The following UNC13C variants were observed in gnomAD, a reference collection of about 807,000 sequenced individuals.
The protein encoded by UNC13C is unc-13 homolog C.
A neutral mutation model predicts 245.4 loss-of-function variants in UNC13C; 174 were observed. That is an observed-to-expected ratio of 0.71 (90% CI 0.63 to 0.80). UNC13C has a LOEUF of 0.80. UNC13C is among the 30% of genes least tolerant of loss of function. UNC13C has a pLI of 0.00. For missense variants in UNC13C, 2,829 were observed against 2,602.9 expected, an observed-to-expected ratio of 1.09 and a Z score of -1.89; for synonymous variants, 992 against 895.1, an observed-to-expected ratio of 1.11 and a Z score of -1.93.
the UNC13C span, among the ~76,000 whole-genome samples, chr15:53,952,929 T>G: frequency 6.6e-6 from 1 of 152,040 alleles, no homozygotes; most frequent in African/African-American, 2.4e-5. Context: ...CCCTGAGCGG[T>G]TTGGGGATGA....
intron 30 of UNC13C, among the ~76,000 whole-genome samples, chr15:54,619,896 T>G (rs1900687298): frequency 6.6e-6 from 1 of 152,132 alleles, no homozygotes; most frequent in Admixed American, 6.6e-5. Flanking sequence ...GGTATAAACA[T>G]AGGGCCATGA....
At chr15:54,605,338 G>C (rs1899709003) in intron 30 of UNC13C, among the ~76,000 whole-genome samples, 1 of 151,906 alleles carries the variant, frequency 6.6e-6, no homozygotes, top group Non-Finnish European at 1.5e-5. Context: ...GTCTTAATGA[G>C]GTGCTCTTCC....
At chr15:53,844,666 G>T in the UNC13C span, among the ~76,000 whole-genome samples, 2 of 152,106 alleles carry the variant, frequency 1.3e-5, no homozygotes, top group African/African-American at 2.4e-5. Context: ...ATCTCAAAGG[G>T]ACAAATGTTT....
At chr15:54,600,826 A>C (rs1259263953) in intron 30 of UNC13C, among the ~76,000 whole-genome samples, 1 of 152,098 alleles carries the variant, frequency 6.6e-6, no homozygotes, top group East Asian at 1.9e-4. Context: ...ACCAATCTAG[A>C]TGTGGATGAT....
chr15:54,551,892 T>C (rs957692679), intron 28 of UNC13C, among the ~76,000 whole-genome samples: 1 of 151,916 alleles, frequency 6.6e-6, no homozygotes. Context: ...TGTATAAAAC[T>C]ATTTCCTCTT....
At chr15:54,098,960 G>A (rs560548629) in intron 2 of UNC13C, among the ~76,000 whole-genome samples, 176 of 152,256 alleles carry the variant, frequency 1.2e-3, no homozygotes, top group Non-Finnish European at 2.1e-3. Context: ...AGTCAGAGCC[G>A]GTACATGGAT....
chr15:53,838,617 A>G, the UNC13C span, among the ~76,000 whole-genome samples: 19 of 152,046 alleles, frequency 1.2e-4, no homozygotes, highest in Non-Finnish European at 2.9e-5. Flanking sequence ...CAACTTGATT[A>G]TAATGAACTA....
chr15:54,424,181 G>A (rs1293817033), intron 19 of UNC13C, among the ~76,000 whole-genome samples: 1 of 151,588 alleles, frequency 6.6e-6, no homozygotes, highest in Non-Finnish European at 1.5e-5. Flanking sequence ...AACAATGCAT[G>A]TAGATATGTA....
chr15:53,937,180 A>C, the UNC13C span, among the ~76,000 whole-genome samples: 1 of 152,232 alleles, frequency 6.6e-6, no homozygotes, highest in African/African-American at 2.4e-5. Flanking sequence ...CAGTTTAGAG[A>C]GGATCATAAC....
chr15:54,065,319 A>G (rs868026745), intron 2 of UNC13C, among the ~76,000 whole-genome samples: 4 of 152,044 alleles, frequency 2.6e-5, no homozygotes, highest in African/African-American at 9.7e-5. Flanking sequence ...TAAGTTCCCA[A>G]TTCCACTCTC....
intron 29 of UNC13C, among the ~76,000 whole-genome samples, chr15:54,557,237 A>G (rs1156532254): frequency 1.3e-5 from 2 of 151,798 alleles, no homozygotes; most frequent in Non-Finnish European, 2.9e-5. Flanking sequence ...TGAGCCCCAA[A>G]GCGTGTGTCA....
intron 10 of UNC13C, among the ~76,000 whole-genome samples, chr15:54,281,938 A>G (rs1210243535): frequency 1.3e-5 from 2 of 152,090 alleles, no homozygotes; most frequent in Admixed American, 1.3e-4. Context: ...GTGCATCTGG[A>G]TTTGTTCATG....
At chr15:54,583,404 G>C (rs1020941431) in intron 30 of UNC13C, among the ~76,000 whole-genome samples, 2 of 152,000 alleles carry the variant, frequency 1.3e-5, no homozygotes, top group African/African-American at 4.8e-5. Context: ...GCTTAAAAAG[G>C]CCTTTATGAA....
chr15:54,103,246 C>T lies in UNC13C; in HGVS notation c.2984-39772C>T, dbSNP rs568455324. Among the ~76,000 whole-genome samples, 7 of 152,318 alleles carry T rather than the reference C, an allele frequency of 4.6e-5. No homozygotes were observed. The South Asian group carries it at 1.5e-3, about 32-fold the overall frequency. ...ACACATAGACATACATCTCGCCATT[C>T]TTTTACACACATAGAAACACCTGTT... is the stretch of plus-strand genomic sequence containing the variant. On this transcript the variant is annotated intron_variant, in intron 2 of 32. Transcript: ENST00000260323.
At chr15:54,597,302 G>A (rs559013909) in intron 30 of UNC13C, among the ~76,000 whole-genome samples, 1 of 152,178 alleles carries the variant, frequency 6.6e-6, no homozygotes, top group Non-Finnish European at 1.5e-5. Flanking sequence ...GCTCAGGAAG[G>A]TAAGAGCCAA....
At chr15:53,968,428 A>G in the UNC13C span, among the ~76,000 whole-genome samples, 1 of 152,204 alleles carries the variant, frequency 6.6e-6, no homozygotes, top group Non-Finnish European at 1.5e-5. Context: ...AGAATGTATC[A>G]AACACTTACA....
intron 1 of UNC13C, among the ~76,000 whole-genome samples, chr15:54,007,468 G>A (rs534257138): frequency 2.6e-3 from 402 of 152,272 alleles, no homozygotes; most frequent in African/African-American, 9.2e-3. Context: ...CAGGGACATG[G>A]ATGAAGGTGG....
intron 19 of UNC13C, among the ~76,000 whole-genome samples, chr15:54,417,864 C>T (rs2040553488): frequency 6.6e-6 from 1 of 152,038 alleles, no homozygotes; most frequent in African/African-American, 2.4e-5. Context: ...GAATTATTTT[C>T]ATTTATATTA....
At chr15:54,190,529 C>T (rs1343472029) in intron 4 of UNC13C, among the ~76,000 whole-genome samples, 1 of 151,920 alleles carries the variant, frequency 6.6e-6, no homozygotes, top group Non-Finnish European at 1.5e-5. Flanking sequence ...CCATTCTTCA[C>T]CCTTTTTTCA....
Sources: allele counts gnomAD v4.1 joint callset (sites outside exome capture counted in the v4.1 genomes callset), GRCh38; gene constraint gnomAD v4.1.1; transcripts MANE v1.5; gene names NCBI Gene and HGNC (gene_info 2026-07-23, HGNC 2026-07-21).